GPHN: variants seen among roughly 807,000 people sequenced by gnomAD.
GPHN encodes the protein gephyrin.
GPHN carries 17 observed loss-of-function variants against 95.5 expected under a neutral mutation model. The ratio of observed to expected loss-of-function variants is 0.18; its 90% CI spans 0.12 to 0.27. GPHN has a LOEUF of 0.27. GPHN is among the 10% of genes least tolerant of loss of function. GPHN has a pLI of 1.00. For missense variants in GPHN, 660 were observed against 978.1 expected, an observed-to-expected ratio of 0.67 and a Z score of 4.34; for synonymous variants, 320 against 322.5, an observed-to-expected ratio of 0.99 and a Z score of 0.08.
intron 2 of GPHN, among the ~76,000 whole-genome samples, chr14:66,740,227 G>T (rs10143288): frequency 0.31 from 47,287 of 151,918 alleles, 11,170 homozygotes; most frequent in African/African-American, 0.64. Flanking sequence ...TCTATAAGAA[G>T]AAAACAAAAG....
intron 1 of GPHN, among the ~76,000 whole-genome samples, chr14:66,656,474 G>A (rs1286715527): frequency 1.3e-5 from 2 of 152,082 alleles, no homozygotes; most frequent in East Asian, 3.8e-4. Context: ...GGGAATAGGT[G>A]TACTTTATTT....
intron 2 of GPHN, among the ~76,000 whole-genome samples, chr14:66,709,988 A>G (rs147175745): frequency 0.019 from 2,906 of 152,224 alleles, 37 homozygotes; most frequent in Middle Eastern, 0.034. Context: ...CATTAGTTAT[A>G]TGAAGGGAAG....
At chr14:66,779,832 A>G (rs1400226299) in intron 3 of GPHN, among the ~76,000 whole-genome samples, 2 of 152,058 alleles carry the variant, frequency 1.3e-5, no homozygotes, top group African/African-American at 4.8e-5. Context: ...GTGATTTTTA[A>G]GGAAGAAAGT....
chr14:66,702,784 G>A (rs2068684191), intron 2 of GPHN, among the ~76,000 whole-genome samples: 1 of 152,162 alleles, frequency 6.6e-6, no homozygotes, highest in African/African-American at 2.4e-5. Flanking sequence ...GAACCTGATA[G>A]AGGATGAGAT....
the GPHN span, chr14:67,653,489 T>C: frequency 1.2e-6 from 2 of 1,613,942 alleles, no homozygotes; most frequent in Non-Finnish European, 1.7e-6. Context: ...TTTTCACTTG[T>C]GTTTACCAGC....
chr14:67,329,273 C>T, the GPHN span, among the ~76,000 whole-genome samples: 1 of 152,146 alleles, frequency 6.6e-6, no homozygotes, highest in South Asian at 2.1e-4. Flanking sequence ...ATTTGGCTCT[C>T]TCTTTGTCTG....
the GPHN span, among the ~76,000 whole-genome samples, chr14:67,694,112 T>C: frequency 5.3e-5 from 8 of 152,260 alleles, no homozygotes; most frequent in East Asian, 1.5e-3. Context: ...TTAAAGAGCA[T>C]TTCAGCCTTT....
chr14:67,603,996 G>GTT, the GPHN span, among the ~76,000 whole-genome samples: 29 of 150,234 alleles, frequency 1.9e-4, no homozygotes, highest in African/African-American at 5.6e-4. Context: ...CTTGTTTTTT[G>GTT]TTTTTGTTTT....
At chr14:67,151,968 A>C (rs777605955) in intron 18 of GPHN, among the ~76,000 whole-genome samples, 1 of 152,088 alleles carries the variant, frequency 6.6e-6, no homozygotes, top group Non-Finnish European at 1.5e-5. Flanking sequence ...AGCCACTCAT[A>C]AAGTGTACTT....
Position 66,616,965 on chromosome 14 carries a change from C to G in GPHN, c.65-64142C>G, listed in dbSNP as rs541576296. Among the ~76,000 whole-genome samples, 588 of 152,294 alleles carry G rather than the reference C, an allele frequency of 3.9e-3. 6 individuals are homozygous for G. Among genetic ancestry groups the G allele is most frequent in the African/African-American group, 0.014 (565 of 41,568 alleles). On this transcript the variant is annotated intron_variant, in intron 1 of 22. Transcript: ENST00000478722. The stretch of plus-strand genomic sequence containing the variant: ...TCGTGATCTGCCTGCCTCGGCCTCC[C>G]AAAGTGCTGGGATTACAGGCGTGAG...
chr14:66,625,776 C>T (rs574049445), intron 1 of GPHN, among the ~76,000 whole-genome samples: 5 of 152,202 alleles, frequency 3.3e-5, no homozygotes, highest in South Asian at 4.2e-4. Flanking sequence ...TTTGTTACTG[C>T]GTTTAGTTTA....
intron 4 of GPHN, among the ~76,000 whole-genome samples, chr14:66,837,620 AATAAATAAAT>A: frequency 1.3e-5 from 1 of 76,994 alleles, no homozygotes; most frequent in African/African-American, 1.3e-4. Context: ...AATAAAAATA[AATAAATAAAT>A]AAATAAATAA....
chr14:67,623,532 AC>A, the GPHN span, among the ~76,000 whole-genome samples: 1 of 124,752 alleles, frequency 8.0e-6, no homozygotes, highest in African/African-American at 3.3e-5. Flanking sequence ...CTCTCAGGTA[AC>A]CTTTTTTTTT....
intron 1 of GPHN, among the ~76,000 whole-genome samples, chr14:66,664,972 A>G (rs187662574): frequency 1.3e-5 from 2 of 149,806 alleles, no homozygotes; most frequent in African/African-American, 4.9e-5. Flanking sequence ...TGAGGCAGCA[A>G]TAAATAGCCT....
intron 2 of GPHN, among the ~76,000 whole-genome samples, chr14:66,767,377 C>T (rs1057242160): frequency 6.7e-6 from 1 of 148,730 alleles, no homozygotes; most frequent in East Asian, 2.0e-4. Context: ...TCCAGGCTGC[C>T]AAGGAGTACT....
intron 18 of GPHN, among the ~76,000 whole-genome samples, chr14:67,158,935 C>T (rs935925996): frequency 4.6e-5 from 7 of 152,100 alleles, no homozygotes; most frequent in African/African-American, 1.7e-4. Context: ...ATGTATATGG[C>T]TTTAAGATCA....
At chr14:67,024,494 G>A (rs990399456) in intron 10 of GPHN, among the ~76,000 whole-genome samples, 1 of 152,182 alleles carries the variant, frequency 6.6e-6, no homozygotes, top group African/African-American at 2.4e-5. Context: ...GGGAGTTTTA[G>A]CAAATTGAAT....
intron 5 of GPHN, among the ~76,000 whole-genome samples, chr14:66,902,500 G>T (rs761721529): frequency 6.6e-6 from 1 of 152,042 alleles, no homozygotes; most frequent in African/African-American, 2.4e-5. Context: ...GTAACTGTGG[G>T]TTTGTCATAT....
chr14:66,945,474 A>G (rs891587915), intron 8 of GPHN, among the ~76,000 whole-genome samples: 1 of 152,168 alleles, frequency 6.6e-6, no homozygotes, highest in Non-Finnish European at 1.5e-5. Context: ...GACTGGGGGA[A>G]GAAAGTGTGG....
Sources: gnomAD v4.1 joint callset for allele counts (sites outside exome capture counted in the v4.1 genomes callset) on GRCh38, gnomAD v4.1.1 for gene constraint, MANE v1.5 for transcripts, NCBI Gene and HGNC (gene_info 2026-07-23, HGNC 2026-07-21) for gene names.